PARP9: variants seen among roughly 807,000 people sequenced by gnomAD.
PARP9 encodes protein mono-ADP-ribosyltransferase PARP9.
PARP9 carries 48 observed loss-of-function variants against 68.8 expected under a neutral mutation model. The observed-to-expected ratio is 0.70, with a 90% CI of 0.55 to 0.89. PARP9 has a LOEUF of 0.89. Among genes scored for constraint, PARP9 ranks in the 40% least tolerant of loss-of-function variants. PARP9 has a pLI of 0.00. For missense variants in PARP9, 806 were observed against 969.3 expected, an observed-to-expected ratio of 0.83 and a Z score of 2.24; for synonymous variants, 309 against 333.8, an observed-to-expected ratio of 0.93 and a Z score of 0.81.
chr3:122,542,257 C>CTTTTTTT (rs1175844599), intron 7 of PARP9, among the ~76,000 whole-genome samples: 1 of 104,044 alleles, frequency 9.6e-6, no homozygotes, highest in African/African-American at 4.1e-5. Context: ...TCTACTACTA[C>CTTTTTTT]TTTTTTTTTT....
chr3:122,545,261 A>T (rs1265215505), intron 7 of PARP9, among the ~76,000 whole-genome samples, 171 bp downstream of exon 7: 2 of 152,220 alleles, frequency 1.3e-5, no homozygotes, highest in Non-Finnish European at 2.9e-5. Flanking sequence ...GGACCAAGCA[A>T]GAAAAGAATC....
chr3:122,528,696 G>T lies in PARP9; in HGVS notation c.2128C>A (p.Leu710Met), dbSNP rs1025370155. ...GAGATTTTCTTGGCCTTCTCTGCCA[G>T]GTTTTTGAGGTTCTTGGTGAAGTAT... is the stretch of plus-strand genomic sequence containing the variant. ...GIYFTKNLKN[L>M]AEKAKKISAA... The change falls in exon 11 of 11, where the codon CTG becomes ATG. Residue 710 changes from leucine to methionine, a missense_variant. Physicochemically the swap from Leu to Met is conservative, Grantham distance 15 (BLOSUM62 2). Transcript: ENST00000682323. 1.2e-6 allele frequency: 2 copies of T among 1,613,608 alleles called. No homozygotes were observed. Among genetic ancestry groups the T allele is most frequent in the African/African-American group, 1.3e-5 (1 of 74,868 alleles).
At chr3:122,534,320 A>G in intron 10 of PARP9, 1 of 984,560 alleles carries the variant, frequency 1.0e-6, no homozygotes, top group South Asian at 4.7e-5. Flanking sequence ...TGGCTCCCTG[A>G]TAGGCAATGA....
At chr3:122,559,837 T>C (rs1576445355) in intron 1 of PARP9, 128 bp from the exon 2 acceptor site, 1 of 419,326 alleles carries the variant, frequency 2.4e-6, no homozygotes. Flanking sequence ...TTGATAACGA[T>C]GTACACATTG....
At chr3:122,533,941 C>T (rs1390312312) in intron 10 of PARP9, 2 of 985,456 alleles carry the variant, frequency 2.0e-6, no homozygotes, top group African/African-American at 1.7e-5. Context: ...ACAACAGCTT[C>T]AGTGGTAGCA....
In PARP9 at chr3:122,542,725, G is replaced by A. The variant is rs138950636; in HGVS notation, c.1385-1873C>T. On this transcript the variant is annotated intron_variant, in intron 7 of 10. Transcript: ENST00000682323. ...GAACTCCTGACCTCATGATCTGCTC[G>A]CCTTGGCCTCCCAAAGTGCTGGGAT... Among the ~76,000 whole-genome samples the A allele has an allele frequency of 1.5e-3, 226 of 151,350 alleles. 1 individual carries two copies. Among genetic ancestry groups the A allele is most frequent in the African/African-American group, 5.2e-3 (213 of 41,262 alleles).
At chr3:122,538,272 T>C (rs116157873) in intron 8 of PARP9, among the ~76,000 whole-genome samples, 2,767 of 152,300 alleles carry the variant, frequency 0.018, 105 homozygotes, top group African/African-American at 0.062. Flanking sequence ...TCCTCCTACA[T>C]GTCAGGCACT....
intron 6 of PARP9, among the ~76,000 whole-genome samples, chr3:122,548,179 C>G (rs919482217): frequency 6.6e-6 from 1 of 152,156 alleles, no homozygotes; most frequent in African/African-American, 2.4e-5. Context: ...CAAATCTCCC[C>G]GTGTTTAATT....
At chr3:122,545,655 C>T (rs1195557120) in intron 6 of PARP9, 166 bp from the exon 7 acceptor site, 1 of 626,346 alleles carries the variant, frequency 1.6e-6, no homozygotes, top group African/African-American at 1.8e-5. Flanking sequence ...GAGAAGAGGA[C>T]CTCAGTCTAT....
At chr3:122,535,211 G>C in intron 10 of PARP9, 1 of 985,366 alleles carries the variant, frequency 1.0e-6, no homozygotes, top group Non-Finnish European at 1.2e-6. Flanking sequence ...GGACTATACT[G>C]ATCATCACTT....
chr3:122,560,061 C>G (rs374086412), intron 1 of PARP9, among the ~76,000 whole-genome samples: 25 of 152,122 alleles, frequency 1.6e-4, no homozygotes, highest in African/African-American at 6.0e-4. Flanking sequence ...AGACTGAGAA[C>G]AGCATTCAAA....
At position 122,564,240 on chromosome 3, in the gene PARP9, C is replaced by G; in HGVS notation, c.-90+5G>C. On this transcript the variant is annotated splice_donor_5th_base_variant and intron_variant, in intron 1 of 10. Coordinates refer to ENST00000682323, the MANE Select transcript of PARP9 (RefSeq NM_001146105.2). ...CGAGGGCCCAGAGGCACCGGACCTA[C>G]TCACCCGGCAGGCCGCTCTCCTCGG... The G allele has an allele frequency of 3.0e-6, 2 of 660,992 alleles. No individual in the cohort carries two copies. Among genetic ancestry groups the G allele is most frequent in the Non-Finnish European group, 4.8e-6 (2 of 418,396 alleles). The allele number at this position is 660,992 out of a possible 1,614,324, so 40.9% of individuals were successfully genotyped here.
At chr3:122,536,098 G>A (rs749364204) in intron 10 of PARP9, 70 bp downstream of exon 10, 1 of 1,610,010 alleles carries the variant, frequency 6.2e-7, no homozygotes, top group East Asian at 2.2e-5. Flanking sequence ...TGCTATCAGT[G>A]GAAGAATCTA....
At chr3:122,539,748 G>A (rs2078043310) in intron 8 of PARP9, among the ~76,000 whole-genome samples, 1 of 151,884 alleles carries the variant, frequency 6.6e-6, no homozygotes, top group South Asian at 2.1e-4. Context: ...ATTTTTAGTA[G>A]AGACAGAGTT....
chr3:122,554,490 G>A (rs4678196), intron 4 of PARP9, among the ~76,000 whole-genome samples: 33,055 of 151,954 alleles, frequency 0.22, 4,156 homozygotes, highest in Non-Finnish European at 0.27. Flanking sequence ...TAATTCCTCC[G>A]GGTGCCTAAG....
At chr3:122,551,121 G>T (rs1045353009) in intron 5 of PARP9, among the ~76,000 whole-genome samples, 8 of 152,114 alleles carry the variant, frequency 5.3e-5, no homozygotes, top group African/African-American at 1.9e-4. Context: ...CCATTCACCT[G>T]CCCCTTCCAG....
At chr3:122,534,248 C>G (rs993952768) in intron 10 of PARP9, 9 of 922,370 alleles carry the variant, frequency 9.8e-6, no homozygotes, top group African/African-American at 1.8e-5. Context: ...AACTGTATTG[C>G]TGAAGAAACC....
At chr3:122,563,236 A>G (rs2107766655) in intron 1 of PARP9, among the ~76,000 whole-genome samples, 1 of 152,250 alleles carries the variant, frequency 6.6e-6, no homozygotes, top group South Asian at 2.1e-4. Flanking sequence ...GCTTTTCACC[A>G]TCTAAATATG....
chr3:122,541,735 C>T (rs2078245803), intron 7 of PARP9, among the ~76,000 whole-genome samples: 1 of 152,200 alleles, frequency 6.6e-6, no homozygotes, highest in South Asian at 2.1e-4. Flanking sequence ...TCCCATCTCA[C>T]CAACAAGGAA....
Sources: gnomAD v4.1 joint callset for allele counts (sites outside exome capture counted in the v4.1 genomes callset) on GRCh38, gnomAD v4.1.1 for gene constraint, MANE v1.5 for transcripts, NCBI Gene and HGNC (gene_info 2026-07-23, HGNC 2026-07-21) for gene names.